The following SOX5 variants were observed in gnomAD, a reference collection of about 807,000 sequenced individuals.
SOX5 encodes the protein SRY-box transcription factor 5.
In SOX5, 9 loss-of-function variants were observed where a neutral mutation model predicts 92.0. That is an observed-to-expected ratio of 0.10 (90% CI 0.06 to 0.17). SOX5 has a LOEUF of 0.17. SOX5 is among the 10% of genes least tolerant of loss of function. The pLI is 1.00. For missense variants in SOX5, 642 were observed against 944.5 expected, an observed-to-expected ratio of 0.68 and a Z score of 4.20; for synonymous variants, 344 against 336.3, an observed-to-expected ratio of 1.02 and a Z score of -0.25.
Position 23,779,548 on chromosome 12 carries a change from A to G in SOX5, c.482-23824T>C, listed in dbSNP as rs182666125. Among the ~76,000 whole-genome samples, 185 of 151,794 alleles carry G rather than the reference A, an allele frequency of 1.2e-3. 1 individual carries two copies. Among genetic ancestry groups the G allele is most frequent in the African/African-American group, 4.4e-3 (183 of 41,370 alleles). On this transcript the variant is annotated intron_variant, in intron 3 of 14. Coordinates refer to ENST00000451604, the MANE Select transcript of SOX5 (RefSeq NM_006940.6). ...ATGCGAAGATATCTGTGATTTTAAT[A>G]TGCACACCTATAATACAGTCATATT...
chr12:23,600,579 A>T (rs570173585), intron 9 of SOX5, among the ~76,000 whole-genome samples: 29 of 124,492 alleles, frequency 2.3e-4, no homozygotes, highest in African/African-American at 8.8e-4. Context: ...GGACTAAAAA[A>T]ACCAAGGCAT....
chr12:24,397,793 T>C (rs1960421324), intron 1 of SOX5, among the ~76,000 whole-genome samples: 1 of 152,042 alleles, frequency 6.6e-6, no homozygotes, highest in Admixed American at 6.6e-5. Flanking sequence ...CCTACACTTA[T>C]GAGTTGCATA....
At chr12:23,958,268 C>T (rs113919164) in intron 4 of SOX5, among the ~76,000 whole-genome samples, 6 of 152,022 alleles carry the variant, frequency 3.9e-5, no homozygotes, top group African/African-American at 1.2e-4. Context: ...TGAGTGTGTG[C>T]CCTGAATTTT....
At chr12:24,560,156 A>G (rs974491145) in intron 1 of SOX5, among the ~76,000 whole-genome samples, 5 of 152,226 alleles carry the variant, frequency 3.3e-5, no homozygotes, top group Admixed American at 3.3e-4. Context: ...AGGTTGTTAG[A>G]AGAGAGATCA....
At chr12:24,054,336 T>A (rs922125012) in intron 4 of SOX5, among the ~76,000 whole-genome samples, 1 of 152,154 alleles carries the variant, frequency 6.6e-6, no homozygotes, top group Non-Finnish European at 1.5e-5. Context: ...TGAAAACAAT[T>A]GTGCTGGACT....
chr12:23,939,928 G>T (rs935788287), intron 1 of SOX5, among the ~76,000 whole-genome samples: 3 of 150,900 alleles, frequency 2.0e-5, no homozygotes, highest in Non-Finnish European at 4.5e-5. Context: ...TGGACTACAT[G>T]TTTGTAATCT....
intron 2 of SOX5, among the ~76,000 whole-genome samples, chr12:23,861,181 T>C (rs1270184885): frequency 6.6e-6 from 1 of 152,090 alleles, no homozygotes; most frequent in African/African-American, 2.4e-5. Context: ...TTAGTGACAA[T>C]GAATGGGCTC....
intron 4 of SOX5, among the ~76,000 whole-genome samples, chr12:24,001,358 C>T (rs1318291744): frequency 2.6e-5 from 4 of 152,066 alleles, no homozygotes; most frequent in Non-Finnish European, 2.9e-5. Context: ...TCCCAAAGTG[C>T]TGGGATTACA....
intron 3 of SOX5, among the ~76,000 whole-genome samples, chr12:23,829,167 T>A (rs1217952022): frequency 6.6e-6 from 1 of 151,976 alleles, no homozygotes; most frequent in African/African-American, 2.4e-5. Flanking sequence ...CAGGCCTATT[T>A]AATTAGGGCA....
chr12:24,299,653 T>G (rs1432721269), intron 2 of SOX5, among the ~76,000 whole-genome samples: 2 of 152,222 alleles, frequency 1.3e-5, no homozygotes, highest in African/African-American at 4.8e-5. Flanking sequence ...ATTTTTGATT[T>G]CCTGATATGC....
At chr12:24,005,286 T>C (rs1487826420) in intron 4 of SOX5, among the ~76,000 whole-genome samples, 1 of 152,102 alleles carries the variant, frequency 6.6e-6, no homozygotes, top group Non-Finnish European at 1.5e-5. Context: ...AAGAGAAACA[T>C]GACTGATCTT....
At chr12:24,101,624 C>G (rs1946104403) in intron 4 of SOX5, among the ~76,000 whole-genome samples, 1 of 152,088 alleles carries the variant, frequency 6.6e-6, no homozygotes. Flanking sequence ...CACTATACAT[C>G]AAAATTCACC....
rs535643590 is a variant in SOX5, at chr12:23,983,060, A to G, written c.-1-87036T>C. ...TCCTGAGTTAGTCTTGGACAGCAAC[A>G]CACAGAAAATTCTCAGGTTTGGTAG... On this transcript the variant is annotated intron_variant, in intron 4 of 4. Coordinates refer to the SOX5 transcript ENST00000446891. Among the ~76,000 whole-genome samples, 193 of 151,410 alleles carry G rather than the reference A, an allele frequency of 1.3e-3. 1 individual carries two copies. Among genetic ancestry groups the G allele is most frequent in the African/African-American group, 4.4e-3 (180 of 41,236 alleles).
At chr12:24,394,797 C>T (rs555329721) in intron 1 of SOX5, among the ~76,000 whole-genome samples, 1 of 152,276 alleles carries the variant, frequency 6.6e-6, no homozygotes, top group East Asian at 1.9e-4. Context: ...GAAAACAAGA[C>T]CAAAGGGCAT....
chr12:23,708,317 TA>T (rs992912828), intron 6 of SOX5, among the ~76,000 whole-genome samples: 70 of 136,774 alleles, frequency 5.1e-4, no homozygotes, highest in African/African-American at 5.6e-4. Flanking sequence ...GGAATCCATA[TA>T]AAAAAAAAAA....
chr12:23,703,573 C>T (rs1343794987), intron 6 of SOX5, among the ~76,000 whole-genome samples: 1 of 151,782 alleles, frequency 6.6e-6, no homozygotes, highest in Non-Finnish European at 1.5e-5. Context: ...ATCTGACATC[C>T]CAGACACTAA....
At chr12:23,889,209 A>G in intron 2 of SOX5, among the ~76,000 whole-genome samples, 1 of 152,226 alleles carries the variant, frequency 6.6e-6, no homozygotes, top group Non-Finnish European at 1.5e-5. Context: ...GTTTAACAAC[A>G]ATATGCATTA....
chr12:24,347,626 AAT>A (rs1394282809), intron 2 of SOX5, among the ~76,000 whole-genome samples: 1 of 152,196 alleles, frequency 6.6e-6, no homozygotes, highest in Non-Finnish European at 1.5e-5. Context: ...TTAACGATAA[AAT>A]ATGTTTGAAT....
intron 4 of SOX5, among the ~76,000 whole-genome samples, chr12:24,006,945 C>G (rs992086842): frequency 1.2e-4 from 18 of 149,868 alleles, no homozygotes; most frequent in Non-Finnish European, 1.9e-4. Flanking sequence ...ACCAGCCTGG[C>G]CAACATGGTG....
Sources: allele counts gnomAD v4.1 joint callset (sites outside exome capture counted in the v4.1 genomes callset), GRCh38; gene constraint gnomAD v4.1.1; transcripts MANE v1.5; gene names NCBI Gene and HGNC (gene_info 2026-07-23, HGNC 2026-07-21).